The following KIAA0319L variants were observed in gnomAD, a reference collection of about 807,000 sequenced individuals.
KIAA0319L encodes the protein dyslexia-associated protein KIAA0319-like protein.
In KIAA0319L, 55 loss-of-function variants were observed where a neutral mutation model predicts 120.1. That is an observed-to-expected ratio of 0.46 (90% confidence interval 0.37 to 0.57). The LOEUF (loss-of-function observed/expected upper bound fraction) is 0.57. KIAA0319L is among the 20% of genes least tolerant of loss of function. The pLI, the probability that KIAA0319L is intolerant of heterozygous loss-of-function variation, is 0.00. For missense variants in KIAA0319L, 1,049 were observed against 1,255.3 expected (o/e 0.84, Z 2.48); for synonymous variants, 398 against 471.9 (o/e 0.84, Z 2.03).
At chr1:35,507,350 T>C (rs1645244445) in intron 2 of KIAA0319L, among the ~76,000 whole-genome samples, 1 of 152,210 alleles carries the variant, frequency 6.6e-6, no homozygotes, top group Non-Finnish European at 1.5e-5. Flanking sequence ...CATTCATTAA[T>C]TGTTCTCCTT....
At chr1:35,549,829 G>A (rs1401850545) in intron 2 of KIAA0319L, among the ~76,000 whole-genome samples, 1 of 152,142 alleles carries the variant, frequency 6.6e-6, no homozygotes, top group South Asian at 2.1e-4. Context: ...TTCCCTTATT[G>A]GTAATTTATT....
At chr1:35,472,027 G>A (rs1383930553) in intron 5 of KIAA0319L, among the ~76,000 whole-genome samples, 1 of 152,190 alleles carries the variant, frequency 6.6e-6, no homozygotes, top group Non-Finnish European at 1.5e-5. Context: ...AGCAGCACAA[G>A]CAGGACTTGT....
chr1:35,475,805 A>T (rs758779574), intron 4 of KIAA0319L, among the ~76,000 whole-genome samples: 13 of 152,166 alleles, frequency 8.5e-5, no homozygotes, highest in Non-Finnish European at 1.6e-4. Context: ...TTTAAGGACA[A>T]ACTTCCAACC....
At chr1:35,520,086 A>G (rs1397225471) in intron 2 of KIAA0319L, among the ~76,000 whole-genome samples, 1 of 150,564 alleles carries the variant, frequency 6.6e-6, no homozygotes, top group Non-Finnish European at 1.5e-5. Context: ...CCACCCTCAA[A>G]TCTTCTTTTT....
intron 3 of KIAA0319L, among the ~76,000 whole-genome samples, chr1:35,498,149 G>A (rs953104906): frequency 3.9e-5 from 6 of 152,008 alleles, no homozygotes; most frequent in African/African-American, 9.7e-5. Flanking sequence ...CCTGGCCAAC[G>A]TGATGAAACC....
chr1:35,453,461 C>A lies in KIAA0319L; in HGVS notation c.1913+96G>T. 1 of 1,179,796 alleles carries A rather than the reference C, an allele frequency of 8.5e-7. No individual in the cohort carries two copies. Among genetic ancestry groups the A allele is most frequent in the Non-Finnish European group, 1.2e-6 (1 of 817,326 alleles). The allele number at this position is 1,179,796 out of a possible 1,614,324, so 73.1% of individuals were successfully genotyped here. A position where few individuals can be genotyped will look rare whatever the true frequency, so the allele number is the denominator to read the frequency against. ...TTCCTCAGTCACCCCACTGGATAAG[C>A]CAATAAGAGCAACTCAACTCATAAT... On this transcript the variant is annotated intron_variant, in intron 12 of 20. Transcript: ENST00000325722. The surrounding 1 kb of genome is among the most constrained non-coding windows in gnomAD (Gnocchi z 4.1).
chr1:35,450,047 C>G, intron 14 of KIAA0319L, 42 bp from the exon 15 acceptor site: 1 of 1,609,874 alleles, frequency 6.2e-7, no homozygotes, highest in East Asian at 2.2e-5. Flanking sequence ...GAACAAAATG[C>G]CATTCCTTTC....
intron 2 of KIAA0319L, among the ~76,000 whole-genome samples, chr1:35,521,673 T>A (rs984687976): frequency 1.0e-4 from 15 of 145,124 alleles, no homozygotes; most frequent in East Asian, 6.1e-4. Flanking sequence ...TAAATAAAAA[T>A]AAATAAATAA....
intron 16 of KIAA0319L, among the ~76,000 whole-genome samples, chr1:35,446,498 C>T (rs964434391): frequency 1.3e-5 from 2 of 152,150 alleles, no homozygotes; most frequent in African/African-American, 4.8e-5. Context: ...GAAATCTGTC[C>T]TCTGCCTCCA....
In KIAA0319L at chr1:35,453,730, G is replaced by T. The variant is rs746202394; in HGVS notation, c.1781-41C>A. On this transcript the variant is annotated intron_variant, in intron 11 of 20. Transcript: ENST00000325722. This position sits in a 1 kb window ranked among gnomAD's most constrained non-coding sequence, Gnocchi z 4.1. ...TTAGAGGTCAAAAGCAGCCAGTCCA[G>T]GTGGGAAAGGAGAGGAACCAATTGG... The T allele has an allele frequency of 1.3e-6, 2 of 1,590,118 alleles. No homozygotes were observed. Among genetic ancestry groups the T allele is most frequent in the South Asian group, 1.1e-5 (1 of 88,750 alleles).
chr1:35,538,183 T>C (rs1646654743), intron 2 of KIAA0319L, among the ~76,000 whole-genome samples: 1 of 152,194 alleles, frequency 6.6e-6, no homozygotes, highest in South Asian at 2.1e-4. Flanking sequence ...TGGTTTTATT[T>C]AGCCTGATAT....
intron 2 of KIAA0319L, among the ~76,000 whole-genome samples, chr1:35,551,253 C>T (rs372016159): frequency 5.3e-5 from 8 of 152,200 alleles, no homozygotes; most frequent in South Asian, 2.1e-4. Context: ...GTAATGAGAA[C>T]GAACATTTTA....
intron 2 of KIAA0319L, among the ~76,000 whole-genome samples, chr1:35,518,746 G>A (rs1645785899): frequency 6.6e-6 from 1 of 152,150 alleles, no homozygotes; most frequent in African/African-American, 2.4e-5. Context: ...GCTCACGCCT[G>A]TAATCCCAGC....
chr1:35,526,186 T>C (rs571709949), intron 2 of KIAA0319L, among the ~76,000 whole-genome samples: 1 of 151,594 alleles, frequency 6.6e-6, no homozygotes, highest in Non-Finnish European at 1.5e-5. Context: ...TTCTGTCCCA[T>C]TAGTCTATGT....
intron 4 of KIAA0319L, among the ~76,000 whole-genome samples, chr1:35,477,468 C>T (rs1446588199): frequency 6.6e-6 from 1 of 152,068 alleles, no homozygotes; most frequent in Non-Finnish European, 1.5e-5. Flanking sequence ...GAGATCGAGA[C>T]CATCCTGGCT....
At chr1:35,443,604 C>G (rs1001502072) in intron 17 of KIAA0319L, among the ~76,000 whole-genome samples, 1 of 151,936 alleles carries the variant, frequency 6.6e-6, no homozygotes, top group African/African-American at 2.4e-5. Context: ...CCCGGGGGGG[C>G]GGAGGTTGCA....
At chr1:35,551,804 G>A (rs1177151835) in intron 2 of KIAA0319L, among the ~76,000 whole-genome samples, 1 of 150,800 alleles carries the variant, frequency 6.6e-6, no homozygotes. Context: ...AAATAGAACT[G>A]GCATAACCTA....
chr1:35,457,318 G>A (rs958096993), intron 9 of KIAA0319L, among the ~76,000 whole-genome samples: 2 of 152,196 alleles, frequency 1.3e-5, no homozygotes, highest in Admixed American at 6.5e-5. Context: ...GTCTGCAGCA[G>A]GCTGTTTTCC....
Position 35,448,168 on chromosome 1 carries a change from G to C in KIAA0319L, c.2513+5C>G, listed in dbSNP as rs1641777407. ...CTTTGCTCCCCCCATTCATTGCCCA[G>C]CTACCTCTGCTCCGTGTACGGCTGA... is the stretch of plus-strand genomic sequence containing the variant. On this transcript the variant is annotated splice_donor_5th_base_variant and intron_variant, in intron 16 of 20. Coordinates refer to ENST00000325722, the MANE Select transcript of KIAA0319L (RefSeq NM_024874.5). The C allele has an allele frequency of 6.3e-7, 1 of 1,587,908 alleles. No individual in the cohort carries two copies. The highest frequency in any genetic ancestry group is 1.1e-5 in the South Asian group (1 of 87,596).
Sources: allele counts gnomAD v4.1 joint callset (sites outside exome capture counted in the v4.1 genomes callset), GRCh38; gene constraint gnomAD v4.1.1; non-coding constraint Gnocchi (gnomAD v3.1); transcripts MANE v1.5; gene names NCBI Gene and HGNC (gene_info 2026-07-23, HGNC 2026-07-21).